Variants in ETV6 observed in about 807,000 individuals in gnomAD.
ETV6 encodes the protein ETS variant transcription factor 6, also known as transcription factor ETV6.
In ETV6, 16 loss-of-function variants were observed where a neutral mutation model predicts 51.1. The observed-to-expected ratio is 0.31, with a 90% CI of 0.21 to 0.48. The LOEUF is 0.48. ETV6 is among the 20% of genes least tolerant of loss of function. The pLI is 0.99. For missense variants in ETV6, 458 were observed against 594.8 expected (o/e 0.77, Z 2.39); for synonymous variants, 240 against 224.1 (o/e 1.07, Z -0.64).
intron 2 of ETV6, among the ~76,000 whole-genome samples, chr12:11,757,774 C>A (rs1390267278): frequency 6.6e-6 from 1 of 152,192 alleles, no homozygotes; most frequent in Non-Finnish European, 1.5e-5. Flanking sequence ...GGACTGGGAC[C>A]GGTGTGGTTC....
chr12:11,810,054 C>T (rs1433866343), intron 2 of ETV6, among the ~76,000 whole-genome samples: 1 of 151,968 alleles, frequency 6.6e-6, no homozygotes, highest in Non-Finnish European at 1.5e-5. Flanking sequence ...CTCCTGACCT[C>T]GTGATCCGCC....
chr12:11,781,187 C>T (rs563460184), intron 2 of ETV6, among the ~76,000 whole-genome samples: 1 of 152,260 alleles, frequency 6.6e-6, no homozygotes, highest in East Asian at 1.9e-4. Context: ...TCATAAAGAT[C>T]GATGAGTCTA....
At chr12:11,761,701 T>C (rs59618481) in intron 2 of ETV6, among the ~76,000 whole-genome samples, 3,121 of 152,296 alleles carry the variant, frequency 0.02, 103 homozygotes, top group African/African-American at 0.065. Flanking sequence ...AGGGGTCAGT[T>C]CCTTGAGCTC....
At chr12:11,738,313 T>TTC (rs1865747305) in intron 1 of ETV6, among the ~76,000 whole-genome samples, 1 of 15,476 alleles carries the variant, frequency 6.5e-5, no homozygotes, top group African/African-American at 6.8e-5. Context: ...TTTGCTTTTT[T>TTC]TTTTTTTTTT....
At chr12:11,669,971 C>G (rs143115606) in intron 1 of ETV6, among the ~76,000 whole-genome samples, 1 of 150,902 alleles carries the variant, frequency 6.6e-6, no homozygotes, top group East Asian at 1.9e-4. Context: ...TCTTCTTGCC[C>G]TTCTCTCTGC....
In ETV6 at chr12:11,650,760, T is replaced by A. The variant is rs192820310; in HGVS notation, c.33+600T>A. ...AGGCATTGCACAATGAATTTTTTTT[T>A]AAAACCAAGGTGAATAAAGTTGCTG... On this transcript the variant is annotated intron_variant, in intron 1 of 7. Coordinates refer to ENST00000396373, the MANE Select transcript of ETV6 (RefSeq NM_001987.5). Among the ~76,000 whole-genome samples the A allele has an allele frequency of 5.5e-3, 832 of 152,232 alleles. 2 individuals are homozygous for A. The highest frequency in any genetic ancestry group is 9.3e-3 in the Non-Finnish European group (634 of 68,016).
chr12:11,764,876 T>C (rs1945141920), intron 2 of ETV6, among the ~76,000 whole-genome samples: 1 of 152,182 alleles, frequency 6.6e-6, no homozygotes, highest in Admixed American at 6.5e-5. Flanking sequence ...GGTTTTATTA[T>C]CCTCATCTTA....
chr12:11,769,502 C>G (rs1048604231), intron 2 of ETV6, among the ~76,000 whole-genome samples: 4 of 151,886 alleles, frequency 2.6e-5, no homozygotes, highest in Non-Finnish European at 5.9e-5. Context: ...CTAAGTTATT[C>G]TTTGGCACGT....
At chr12:11,823,228 T>C (rs1231980012) in intron 2 of ETV6, among the ~76,000 whole-genome samples, 6 of 152,204 alleles carry the variant, frequency 3.9e-5, no homozygotes, top group Non-Finnish European at 8.8e-5. Context: ...TAACTCCGTA[T>C]TTCTTTGAAG....
At chr12:11,737,558 G>A (rs933633548) in intron 1 of ETV6, among the ~76,000 whole-genome samples, 1 of 152,148 alleles carries the variant, frequency 6.6e-6, no homozygotes, top group Non-Finnish European at 1.5e-5. Context: ...AGTCTGAACC[G>A]AGGAAAATAA....
At chr12:11,695,254 G>A (rs1173296284) in intron 1 of ETV6, among the ~76,000 whole-genome samples, 1 of 152,200 alleles carries the variant, frequency 6.6e-6, no homozygotes, top group African/African-American at 2.4e-5. Flanking sequence ...GGATTTGAGA[G>A]TTAAATAAGA....
intron 2 of ETV6, among the ~76,000 whole-genome samples, chr12:11,761,941 C>G (rs1945092372): frequency 6.6e-6 from 1 of 152,202 alleles, no homozygotes; most frequent in Admixed American, 6.5e-5. Flanking sequence ...ATTTTTAGGA[C>G]TCAACATCAA....
At chr12:11,867,827 T>G (rs1946812194) in intron 4 of ETV6, among the ~76,000 whole-genome samples, 1 of 152,210 alleles carries the variant, frequency 6.6e-6, no homozygotes, top group African/African-American at 2.4e-5. Context: ...GGAACAGATG[T>G]GGCCAGAGAG....
intron 1 of ETV6, among the ~76,000 whole-genome samples, chr12:11,710,034 A>G (rs934602987): frequency 1.3e-5 from 2 of 152,254 alleles, no homozygotes; most frequent in Non-Finnish European, 2.9e-5. Flanking sequence ...AGCACTGCAG[A>G]ATTAATTTGC....
intron 2 of ETV6, among the ~76,000 whole-genome samples, chr12:11,822,536 C>G (rs542286018): frequency 1.3e-5 from 2 of 152,076 alleles, no homozygotes; most frequent in Non-Finnish European, 2.9e-5. Context: ...GTTATAAAAC[C>G]GGAAGAGTGT....
chr12:11,697,669 G>T (rs1336589268), intron 1 of ETV6, among the ~76,000 whole-genome samples: 2 of 152,228 alleles, frequency 1.3e-5, no homozygotes, highest in Non-Finnish European at 2.9e-5. Flanking sequence ...GGATGTTACT[G>T]TAAGAGCAAT....
chr12:11,835,080 G>T (rs1262933714), intron 2 of ETV6, among the ~76,000 whole-genome samples: 1 of 152,178 alleles, frequency 6.6e-6, no homozygotes, highest in Non-Finnish European at 1.5e-5. Context: ...GCATGGAATT[G>T]AAGAAATATT....
Position 11,822,658 on chromosome 12 carries a change from A to G in ETV6, c.164-16482A>G, listed in dbSNP as rs564723876. ...TCAGCCAGGCATTACTAATTTGGGCATTACTAATTCAGATGCCTATTCAGG... is the reference window on the plus strand; with the variant it reads ...TCAGCCAGGCATTACTAATTTGGGCGTTACTAATTCAGATGCCTATTCAGG... On this transcript the variant is annotated intron_variant, in intron 2 of 7. Coordinates refer to ENST00000396373, the MANE Select transcript of ETV6 (RefSeq NM_001987.5). Among the ~76,000 whole-genome samples the G allele has an allele frequency of 2.0e-5, 3 of 152,364 alleles. No homozygotes were observed. The South Asian group carries it at 6.2e-4, about 32-fold the overall frequency.
chr12:11,839,864 A>G (rs538539059), intron 3 of ETV6, among the ~76,000 whole-genome samples: 1 of 152,334 alleles, frequency 6.6e-6, no homozygotes, highest in South Asian at 2.1e-4. Context: ...CAGGTGACAG[A>G]GCGAGAACCT....
Sources: allele counts gnomAD v4.1 joint callset (sites outside exome capture counted in the v4.1 genomes callset), GRCh38; gene constraint gnomAD v4.1.1; transcripts MANE v1.5; gene names NCBI Gene and HGNC (gene_info 2026-07-23, HGNC 2026-07-21).